RIMS1: variants seen among roughly 807,000 people sequenced by gnomAD.
RIMS1 encodes the protein regulating synaptic membrane exocytosis 1.
Under a neutral mutation model 214.1 loss-of-function variants are expected in RIMS1, and 83 were observed. That is an observed-to-expected ratio of 0.39 (90% CI 0.32 to 0.47). The LOEUF (loss-of-function observed/expected upper bound fraction) is 0.47. Among genes scored for constraint, RIMS1 ranks in the 20% least tolerant of loss-of-function variants. The pLI is 0.99. For missense variants in RIMS1, 2,050 were observed against 2,161.8 expected (o/e 0.95, Z 1.03); for synonymous variants, 793 against 786.8 (o/e 1.01, Z -0.13).
At chr6:72,345,869 G>A (rs2097250301) in intron 29 of RIMS1, among the ~76,000 whole-genome samples, 1 of 151,700 alleles carries the variant, frequency 6.6e-6, no homozygotes, top group Non-Finnish European at 1.5e-5. Context: ...GGTGGTTGTT[G>A]GGAAAGGACC....
intron 2 of RIMS1, among the ~76,000 whole-genome samples, chr6:72,089,858 A>G (rs948940089): frequency 2.0e-5 from 3 of 147,668 alleles, no homozygotes; most frequent in African/African-American, 4.8e-5. Flanking sequence ...TGATGAGTTC[A>G]TGTCTTTTGT....
chr6:72,215,194 T>C (rs1045906123), intron 6 of RIMS1, among the ~76,000 whole-genome samples: 3 of 152,220 alleles, frequency 2.0e-5, no homozygotes, highest in African/African-American at 7.2e-5. Flanking sequence ...GTATGTCTTC[T>C]TAATGACCAT....
chr6:72,163,718 G>T (rs1416049718), intron 4 of RIMS1, among the ~76,000 whole-genome samples: 1 of 139,948 alleles, frequency 7.1e-6, no homozygotes, highest in African/African-American at 2.5e-5. Context: ...AACAGCAAAT[G>T]TTGCTGCCTG....
chr6:72,155,214 G>A (rs1429884725), intron 4 of RIMS1, among the ~76,000 whole-genome samples: 1 of 140,262 alleles, frequency 7.1e-6, no homozygotes, highest in Non-Finnish European at 1.6e-5. Flanking sequence ...CATTGTCTTG[G>A]GGATTAATCC....
rs2098688415 is a variant in RIMS1 at position 72,390,675 on chromosome 6, G to A, written c.4444G>A (p.Val1482Ile). The part of the protein sequence containing the change: ...TGMAAEMRKM[V>I]RQPSRESTDG... Reference sequence around the variant, plus strand: ...CATGGCAGCTGAAATGAGAAAGATGGTAAGGCAGCCGAGCCGAGAGTCTAC... The same window carrying A: ...CATGGCAGCTGAAATGAGAAAGATGATAAGGCAGCCGAGCCGAGAGTCTAC... Residue 1482 changes from valine (V) to isoleucine (I), a missense_variant, in exon 30 of 34, where the codon GTA becomes ATA. Coordinates refer to ENST00000521978, the MANE Select transcript of RIMS1 (RefSeq NM_014989.7). 1 of 1,613,908 alleles carries A rather than the reference G, an allele frequency of 6.2e-7. No individual in the cohort carries two copies. Among genetic ancestry groups the A allele is most frequent in the Non-Finnish European group, 8.5e-7 (1 of 1,179,836 alleles).
At chr6:72,140,222 G>C (rs2041916891) in intron 4 of RIMS1, among the ~76,000 whole-genome samples, 1 of 151,994 alleles carries the variant, frequency 6.6e-6, no homozygotes. Flanking sequence ...CCTTTCTAAA[G>C]AATATTGTCT....
intron 28 of RIMS1, among the ~76,000 whole-genome samples, chr6:72,322,777 A>G (rs2154317978): frequency 6.6e-6 from 1 of 152,262 alleles, no homozygotes; most frequent in South Asian, 2.1e-4. Context: ...AGCCGTAAGC[A>G]GAGAGCAGTG....
chr6:72,116,549 T>G (rs970864520), intron 4 of RIMS1, among the ~76,000 whole-genome samples: 13 of 152,130 alleles, frequency 8.5e-5, no homozygotes, highest in African/African-American at 3.1e-4. Flanking sequence ...AGGCAACTAT[T>G]TAATCATCTT....
rs183595283 is a variant in RIMS1 at position 71,930,710 on chromosome 6, A to G, written c.165-38273A>G. Among the ~76,000 whole-genome samples the G allele has an allele frequency of 1.1e-4, 17 of 152,204 alleles. No homozygotes were observed. The East Asian group carries it at 2.9e-3, about 26-fold the overall frequency. On this transcript the variant is annotated intron_variant, in intron 1 of 33. Coordinates refer to ENST00000521978, the MANE Select transcript of RIMS1 (RefSeq NM_014989.7). Reference sequence around the variant, plus strand: ...GACAAACTCGAAATTCCTTTTCATAACGAAAATCAAAACTATCTTTTCTCT... The same window carrying G: ...GACAAACTCGAAATTCCTTTTCATAGCGAAAATCAAAACTATCTTTTCTCT...
At chr6:72,322,352 A>G (rs2096218023) in intron 28 of RIMS1, among the ~76,000 whole-genome samples, 1 of 152,160 alleles carries the variant, frequency 6.6e-6, no homozygotes, top group Admixed American at 6.5e-5. Flanking sequence ...TCAATGTGGC[A>G]AAAGCTATTC....
At chr6:72,269,465 C>T (rs1435048100) in intron 22 of RIMS1, among the ~76,000 whole-genome samples, 1 of 152,196 alleles carries the variant, frequency 6.6e-6, no homozygotes, top group Non-Finnish European at 1.5e-5. Context: ...CATATGAAGA[C>T]AACCCTCCAC....
At chr6:72,153,195 G>A (rs908548848) in intron 4 of RIMS1, among the ~76,000 whole-genome samples, 3 of 150,424 alleles carry the variant, frequency 2.0e-5, no homozygotes, top group African/African-American at 7.3e-5. Flanking sequence ...ACCTCATAAC[G>A]AATTGCATGT....
chr6:72,208,699 C>T (rs2053325094), intron 6 of RIMS1, among the ~76,000 whole-genome samples: 1 of 152,122 alleles, frequency 6.6e-6, no homozygotes, highest in Admixed American at 6.5e-5. Context: ...GAGAGACATT[C>T]CATGGTAGTA....
At chr6:71,959,351 A>G (rs1331847404) in intron 1 of RIMS1, among the ~76,000 whole-genome samples, 1 of 152,084 alleles carries the variant, frequency 6.6e-6, no homozygotes, top group Non-Finnish European at 1.5e-5. Flanking sequence ...CTTAAATCCC[A>G]CCAAGGAACC....
intron 2 of RIMS1, among the ~76,000 whole-genome samples, chr6:71,972,714 G>A (rs747048150): frequency 6.6e-5 from 10 of 152,122 alleles, no homozygotes; most frequent in Non-Finnish European, 1.3e-4. Flanking sequence ...ATAGAAAAAT[G>A]AGATATATAA....
chr6:72,255,950 C>A (rs1443021669), intron 16 of RIMS1, among the ~76,000 whole-genome samples: 1 of 145,916 alleles, frequency 6.9e-6, no homozygotes, highest in Non-Finnish European at 1.5e-5. Flanking sequence ...GCAGGAGAAT[C>A]ACTTCAACAC....
intron 1 of RIMS1, among the ~76,000 whole-genome samples, chr6:71,961,066 A>G (rs1792816192): frequency 6.6e-6 from 1 of 152,126 alleles, no homozygotes. Flanking sequence ...TGGCACAGGT[A>G]CAGGTGGGAA....
intron 27 of RIMS1, among the ~76,000 whole-genome samples, chr6:72,308,818 A>T (rs17689576): frequency 0.19 from 29,436 of 152,050 alleles, 3,567 homozygotes; most frequent in Non-Finnish European, 0.27. Flanking sequence ...TCAGCTCCAT[A>T]CAGGTTTATC....
At chr6:72,115,437 A>G (rs1587362654) in intron 4 of RIMS1, among the ~76,000 whole-genome samples, 1 of 151,944 alleles carries the variant, frequency 6.6e-6, no homozygotes, top group African/African-American at 2.4e-5. Flanking sequence ...TTTGTTACCT[A>G]TATTTGAGAT....
Sources: gnomAD v4.1 joint callset for allele counts (sites outside exome capture counted in the v4.1 genomes callset) on GRCh38, gnomAD v4.1.1 for gene constraint, MANE v1.5 for transcripts, NCBI Gene and HGNC (gene_info 2026-07-23, HGNC 2026-07-21) for gene names.